DOCK4: variants seen among roughly 807,000 people sequenced by gnomAD.
The protein encoded by DOCK4 is dedicator of cytokinesis 4.
DOCK4 carries 97 observed loss-of-function variants against 268.1 expected under a neutral mutation model. That is an observed-to-expected ratio of 0.36 (90% confidence interval 0.31 to 0.43). The LOEUF (loss-of-function observed/expected upper bound fraction) is 0.43, where lower values mean the gene tolerates loss of function less well. DOCK4 is among the 20% of genes least tolerant of loss of function. The pLI, the probability that DOCK4 is intolerant of heterozygous loss-of-function variation, is 1.00. For missense variants in DOCK4, 2,145 were observed against 2,455.7 expected (o/e 0.87, Z 2.67); for synonymous variants, 954 against 887.2 (o/e 1.08, Z -1.34).
In DOCK4 at chr7:111,935,182, A is replaced by T. The variant is rs560738400; in HGVS notation, c.1066+358T>A. Among the ~76,000 whole-genome samples the T allele has an allele frequency of 4.2e-4, 64 of 150,874 alleles. 1 individual carries two copies. In the South Asian group the frequency reaches 0.013, roughly 31 times the overall value. On this transcript the variant is annotated intron_variant, in intron 12 of 52. Transcript: ENST00000428084. ...AGGTTGGTCTCGAACTCCTGACTTCAGGTGATCCACTAATCTCGGCCTCCC... is the reference window on the plus strand; with the variant it reads ...AGGTTGGTCTCGAACTCCTGACTTCTGGTGATCCACTAATCTCGGCCTCCC...
chr7:111,972,553 C>T (rs1797803483), intron 8 of DOCK4, among the ~76,000 whole-genome samples: 1 of 152,080 alleles, frequency 6.6e-6, no homozygotes, highest in Admixed American at 6.5e-5. Flanking sequence ...ACCCTGTTTC[C>T]TAATCCGTCC....
Position 112,004,041 on chromosome 7 carries a change from T to G in DOCK4, c.121+7A>C, listed in dbSNP as rs1410430545. 2 of 1,594,630 alleles carry G rather than the reference T, an allele frequency of 1.3e-6. No homozygotes were observed. The highest frequency in any genetic ancestry group is 1.3e-5 in the African/African-American group (1 of 74,782). ...ATGTTGAGGAGGTTGTTCATAAGGC[T>G]ACTCACCATCACACTTCTCCAGGAT... On this transcript the variant is annotated splice_region_variant and intron_variant, in intron 2 of 52. Coordinates refer to ENST00000428084, the MANE Select transcript of DOCK4 (RefSeq NM_001363540.2).
At chr7:111,888,294 C>T (rs939165765) in intron 16 of DOCK4, among the ~76,000 whole-genome samples, 1 of 150,082 alleles carries the variant, frequency 6.7e-6, no homozygotes, top group South Asian at 2.1e-4. Context: ...ACAGATTCAT[C>T]TAGGACTATT....
chr7:111,816,001 T>C (rs987134141), intron 27 of DOCK4, among the ~76,000 whole-genome samples: 1 of 152,106 alleles, frequency 6.6e-6, no homozygotes, highest in Non-Finnish European at 1.5e-5. Flanking sequence ...ACAATCATAA[T>C]CTACAGGCAC....
chr7:111,944,954 A>G, intron 9 of DOCK4, 83 bp from the exon 10 acceptor site: 1 of 1,099,218 alleles, frequency 9.1e-7, no homozygotes, highest in East Asian at 2.4e-5. Flanking sequence ...CAAATAAAAG[A>G]AGAAAGAGAT....
At chr7:111,777,163 C>T (rs1426246267) in intron 36 of DOCK4, among the ~76,000 whole-genome samples, 1 of 152,124 alleles carries the variant, frequency 6.6e-6, no homozygotes, top group African/African-American at 2.4e-5. Flanking sequence ...TTGCTAGACA[C>T]CATGAAGGTC....
intron 25 of DOCK4, among the ~76,000 whole-genome samples, chr7:111,835,751 C>G (rs1270389485): frequency 1.3e-5 from 2 of 152,074 alleles, no homozygotes; most frequent in African/African-American, 4.8e-5. Context: ...AGACTAAAAG[C>G]CCTGAGAAGG....
chr7:111,737,263 T>C (rs1315687548), intron 49 of DOCK4, among the ~76,000 whole-genome samples: 3 of 152,148 alleles, frequency 2.0e-5, no homozygotes, highest in Admixed American at 2.0e-4. Flanking sequence ...AAATAAATAG[T>C]AAATAGCAGT....
chr7:111,867,512 C>A (rs577351674), intron 22 of DOCK4, among the ~76,000 whole-genome samples: 66 of 152,278 alleles, frequency 4.3e-4, no homozygotes, highest in African/African-American at 1.4e-3. Context: ...CAGCTCTGCA[C>A]TGGTCTTAAA....
chr7:112,145,681 T>G (rs1815411178), intron 1 of DOCK4, among the ~76,000 whole-genome samples: 1 of 152,180 alleles, frequency 6.6e-6, no homozygotes, highest in African/African-American at 2.4e-5. Context: ...CTCCCTCTAG[T>G]AAGCCTTGCA....
intron 1 of DOCK4, among the ~76,000 whole-genome samples, chr7:112,022,719 T>C (rs1358023313): frequency 6.6e-6 from 1 of 152,176 alleles, no homozygotes; most frequent in African/African-American, 2.4e-5. Flanking sequence ...ATGTGAGCTG[T>C]CAATGTTGAC....
chr7:111,822,656 C>G (rs573507902), intron 26 of DOCK4, among the ~76,000 whole-genome samples, 200 bp from the exon 27 acceptor site: 1 of 152,150 alleles, frequency 6.6e-6, no homozygotes, highest in Non-Finnish European at 1.5e-5. Flanking sequence ...CAAATGTTTT[C>G]TTTTCTTTCT....
At chr7:112,153,782 C>T (rs142810890) in intron 1 of DOCK4, among the ~76,000 whole-genome samples, 102 of 152,262 alleles carry the variant, frequency 6.7e-4, no homozygotes, top group Middle Eastern at 3.4e-3. Flanking sequence ...AAAAGGATCA[C>T]CCTCCAATTT....
chr7:111,736,375 T>C (rs1795475309), intron 50 of DOCK4, among the ~76,000 whole-genome samples: 2 of 152,220 alleles, frequency 1.3e-5, no homozygotes, highest in African/African-American at 2.4e-5. Flanking sequence ...CTGATCCTAA[T>C]TGGCTATTTA....
intron 1 of DOCK4, among the ~76,000 whole-genome samples, chr7:112,066,803 C>A (rs1475285315): frequency 7.0e-6 from 1 of 142,612 alleles, no homozygotes; most frequent in Non-Finnish European, 1.5e-5. Context: ...CTGCAAGTGG[C>A]GAGTTCAAAG....
At chr7:112,194,913 T>C (rs1820281906) in intron 1 of DOCK4, among the ~76,000 whole-genome samples, 1 of 152,192 alleles carries the variant, frequency 6.6e-6, no homozygotes, top group Non-Finnish European at 1.5e-5. Flanking sequence ...TCTGAATCAA[T>C]TTCTATAACT....
chr7:111,811,348 A>C (rs959510444), intron 28 of DOCK4, among the ~76,000 whole-genome samples: 2 of 151,834 alleles, frequency 1.3e-5, no homozygotes, highest in African/African-American at 4.9e-5. Context: ...GGCACTGCTC[A>C]TCTTTGTTTG....
intron 25 of DOCK4, among the ~76,000 whole-genome samples, chr7:111,839,577 A>AT (rs1248003564): frequency 3.9e-5 from 6 of 152,192 alleles, no homozygotes; most frequent in Non-Finnish European, 8.8e-5. Context: ...CAGATTTATG[A>AT]TTTTGTCATA....
chr7:112,101,417 C>G (rs166313), intron 1 of DOCK4, among the ~76,000 whole-genome samples: 93,067 of 152,112 alleles, frequency 0.61, 28,789 homozygotes, highest in African/African-American at 0.68. Flanking sequence ...TTGTATACAC[C>G]GTTGCTTAGC....
Sources: allele counts gnomAD v4.1 joint callset (sites outside exome capture counted in the v4.1 genomes callset), GRCh38; gene constraint gnomAD v4.1.1; transcripts MANE v1.5; gene names NCBI Gene and HGNC (gene_info 2026-07-23, HGNC 2026-07-21).